VDAC1: variants seen among roughly 807,000 people sequenced by gnomAD.
The protein encoded by VDAC1 is non-selective voltage-gated ion channel VDAC1.
Under a neutral mutation model 34.7 loss-of-function variants are expected in VDAC1, and 10 were observed. The observed-to-expected ratio is 0.29, with a 90% confidence interval of 0.18 to 0.49. The LOEUF (loss-of-function observed/expected upper bound fraction) is 0.49. VDAC1 is among the 20% of genes least tolerant of loss of function. VDAC1 has a pLI of 0.99. For synonymous variants in VDAC1, 130 were observed against 136.0 expected, an observed-to-expected ratio of 0.96 and a Z score of 0.30; for missense variants, 230 against 347.9, an observed-to-expected ratio of 0.66 and a Z score of 2.69.
At chr5:133,980,312 T>A (rs1399360043) in intron 6 of VDAC1, among the ~76,000 whole-genome samples, 1 of 152,178 alleles carries the variant, frequency 6.6e-6, no homozygotes, top group African/African-American at 2.4e-5. Flanking sequence ...ACTGAGATAA[T>A]CAGCTCCTAA....
chr5:133,972,054 C>A lies in VDAC1; in HGVS notation c.*717G>T, dbSNP rs1752314186. 1 of 152,594 alleles carries A rather than the reference C, an allele frequency of 6.6e-6. No individual in the cohort carries two copies. The highest frequency in any genetic ancestry group is 1.9e-4 in the East Asian group (1 of 5,182). 9.5% of individuals were successfully genotyped at this position (152,594 alleles called of 1,614,324 possible). A position where few individuals can be genotyped will look rare whatever the true frequency, so the allele number is the denominator to read the frequency against. On this transcript the variant is annotated 3_prime_UTR_variant, in exon 9 of 9. Transcript: ENST00000265333. ...AAAAACAAATTGAGTGGTGAGAATA[C>A]AACAGAAGTCCAATTTAGATTCTGA...
the VDAC1 span, among the ~76,000 whole-genome samples, chr5:134,107,596 T>G: frequency 6.6e-6 from 1 of 152,174 alleles, no homozygotes; most frequent in Admixed American, 6.5e-5. Flanking sequence ...CTCCCCACCC[T>G]GGTCCCCACT....
At chr5:133,981,065 T>C in intron 5 of VDAC1, 109 bp from the exon 6 acceptor site, 1 of 896,674 alleles carries the variant, frequency 1.1e-6, no homozygotes, top group Non-Finnish European at 1.7e-6. Flanking sequence ...GGGGTGGGGG[T>C]GAAGTCAGGG....
At chr5:134,095,588 A>G in the VDAC1 span, among the ~76,000 whole-genome samples, 2 of 152,200 alleles carry the variant, frequency 1.3e-5, no homozygotes, top group Non-Finnish European at 2.9e-5. Context: ...ATAGACTATC[A>G]CAAGACTGGG....
intron 1 of VDAC1, among the ~76,000 whole-genome samples, chr5:134,002,884 T>C (rs1753613147): frequency 1.3e-5 from 2 of 151,346 alleles, no homozygotes; most frequent in African/African-American, 4.9e-5. Flanking sequence ...GAGGATTGCC[T>C]GAACCCAGGA....
At chr5:134,069,114 T>G in the VDAC1 span, among the ~76,000 whole-genome samples, 6 of 151,960 alleles carry the variant, frequency 3.9e-5, no homozygotes, top group Non-Finnish European at 7.4e-5. Context: ...TGTTTTACTG[T>G]GCTTTCAGAA....
At chr5:134,100,991 T>C in the VDAC1 span, among the ~76,000 whole-genome samples, 2 of 152,252 alleles carry the variant, frequency 1.3e-5, no homozygotes, top group Non-Finnish European at 2.9e-5. Context: ...CTCCTTCTGA[T>C]CCATTCTCTG....
At chr5:134,071,144 C>T in the VDAC1 span, among the ~76,000 whole-genome samples, 1 of 152,230 alleles carries the variant, frequency 6.6e-6, no homozygotes, top group African/African-American at 2.4e-5. The surrounding 1 kb of genome is among the most constrained non-coding windows in gnomAD (Gnocchi z 4.1). Context: ...AGGCGGATTC[C>T]CCCGAGGGGA....
rs1580722851 is a variant in VDAC1 at position 133,991,257 on chromosome 5, G to C, written c.118-103C>G. 3 of 1,437,632 alleles carry C rather than the reference G, an allele frequency of 2.1e-6. No homozygotes were observed. In the East Asian group the frequency reaches 6.9e-5, roughly 33 times the overall value. 89.1% of individuals were successfully genotyped at this position (1,437,632 alleles called of 1,614,324 possible). A position where few individuals can be genotyped will look rare whatever the true frequency, so the allele number is the denominator to read the frequency against. On this transcript the variant is annotated intron_variant, in intron 3 of 8. Transcript: ENST00000265333. ...GCCTTTCTGCAAGAGGCAAGACCCT[G>C]AATGTGGGGGGGCCAAGGCTAACTC...
the VDAC1 span, among the ~76,000 whole-genome samples, chr5:134,087,157 G>A: frequency 2.6e-5 from 4 of 152,144 alleles, no homozygotes; most frequent in African/African-American, 7.2e-5. Context: ...TTCAGAGGGC[G>A]CACACCGGGC....
chr5:134,028,213 A>G, the VDAC1 span, among the ~76,000 whole-genome samples: 1 of 151,494 alleles, frequency 6.6e-6, no homozygotes, highest in South Asian at 2.1e-4. Context: ...GCTCACTGCA[A>G]CCTCCACCTT....
At chr5:133,982,420 G>A (rs1023967200) in intron 5 of VDAC1, among the ~76,000 whole-genome samples, 5 of 151,572 alleles carry the variant, frequency 3.3e-5, no homozygotes, top group African/African-American at 1.2e-4. Context: ...GCTGAGGCAG[G>A]AGAAACGCTT....
the VDAC1 span, among the ~76,000 whole-genome samples, chr5:134,050,342 GAAGTT>G: frequency 4.6e-5 from 7 of 152,312 alleles, no homozygotes; most frequent in African/African-American, 1.7e-4. Context: ...CCCTTCTACA[GAAGTT>G]AATAATTCTA....
At chr5:134,010,131 A>G in the VDAC1 span, among the ~76,000 whole-genome samples, 1 of 152,214 alleles carries the variant, frequency 6.6e-6, no homozygotes, top group African/African-American at 2.4e-5. Context: ...GATCAGAATC[A>G]TAATCCTATT....
At chr5:134,092,811 T>C in the VDAC1 span, among the ~76,000 whole-genome samples, 2 of 152,164 alleles carry the variant, frequency 1.3e-5, no homozygotes, top group African/African-American at 4.8e-5. Context: ...ACTTATAGGA[T>C]TGACACACAG....
the VDAC1 span, among the ~76,000 whole-genome samples, chr5:134,112,391 A>G: frequency 6.6e-6 from 1 of 152,228 alleles, no homozygotes; most frequent in Admixed American, 6.5e-5. Flanking sequence ...GGTACACAGT[A>G]GATGATCCCT....
intron 1 of VDAC1, among the ~76,000 whole-genome samples, chr5:134,002,007 G>C (rs1753577895): frequency 6.6e-6 from 1 of 152,144 alleles, no homozygotes; most frequent in African/African-American, 2.4e-5. Context: ...GCAGACTACA[G>C]AATCTCTGAG....
intron 1 of VDAC1, among the ~76,000 whole-genome samples, chr5:134,004,168 C>T (rs900440658): frequency 6.6e-6 from 1 of 152,074 alleles, no homozygotes. Flanking sequence ...CTCGGGGCCA[C>T]GGTCGTCACG....
chr5:134,006,872 G>A (rs1238469356), upstream of VDAC1, among the ~76,000 whole-genome samples: 2 of 151,950 alleles, frequency 1.3e-5, no homozygotes, highest in African/African-American at 2.4e-5. Flanking sequence ...TAGTGGCTGC[G>A]TGACCCAGGC....
Sources: gnomAD v4.1 joint callset for allele counts (sites outside exome capture counted in the v4.1 genomes callset) on GRCh38, gnomAD v4.1.1 for gene constraint, Gnocchi (gnomAD v3.1) non-coding constraint, MANE v1.5 for transcripts, NCBI Gene and HGNC (gene_info 2026-07-23, HGNC 2026-07-21) for gene names.